SLC23A2: variants seen among roughly 807,000 people sequenced by gnomAD.
SLC23A2 encodes Na(+)/L-ascorbic acid transporter 2.
In SLC23A2, 36 loss-of-function variants were observed where a neutral mutation model predicts 73.3. The ratio of observed to expected loss-of-function variants is 0.49; its 90% CI spans 0.38 to 0.65. SLC23A2 has a LOEUF of 0.65. Ranked by LOEUF, SLC23A2 falls within the 30% of genes least tolerant of loss-of-function variation. SLC23A2 has a pLI of 0.00. For synonymous variants in SLC23A2, 343 were observed against 327.3 expected, an observed-to-expected ratio of 1.05 and a Z score of -0.52; for missense variants, 507 against 841.6, an observed-to-expected ratio of 0.60 and a Z score of 4.92.
chr20:4,966,726 G>C (rs1205355407), intron 2 of SLC23A2, among the ~76,000 whole-genome samples: 2 of 151,548 alleles, frequency 1.3e-5, no homozygotes, highest in Non-Finnish European at 1.5e-5. Flanking sequence ...GGATACCAGG[G>C]AAAGAGAAAA....
At chr20:4,910,379 GAAA>G (rs373996937) in intron 4 of SLC23A2, among the ~76,000 whole-genome samples, 1 of 128,206 alleles carries the variant, frequency 7.8e-6, no homozygotes. Flanking sequence ...TCTGTCTCAA[GAAA>G]AAAAAAAAAA....
At chr20:4,923,863 T>C (rs537409409) in intron 3 of SLC23A2, among the ~76,000 whole-genome samples, 1 of 152,292 alleles carries the variant, frequency 6.6e-6, no homozygotes, top group Non-Finnish European at 1.5e-5. Flanking sequence ...AAAAGGGGCA[T>C]GTTCAAATCT....
intron 2 of SLC23A2, among the ~76,000 whole-genome samples, chr20:4,957,900 CA>C (rs368006652): frequency 0.04 from 3,100 of 77,358 alleles, 48 homozygotes; most frequent in African/African-American, 0.079. Context: ...GACTCCATCT[CA>C]AAAAAAAAAA....
intron 2 of SLC23A2, among the ~76,000 whole-genome samples, chr20:4,956,096 T>A (rs2087284436): frequency 6.6e-6 from 1 of 152,224 alleles, no homozygotes; most frequent in African/African-American, 2.4e-5. Flanking sequence ...AAACTTTTAA[T>A]TCTTCAGAAA....
At chr20:4,870,987 A>C (rs1930426134) in intron 11 of SLC23A2, among the ~76,000 whole-genome samples, 2 of 152,214 alleles carry the variant, frequency 1.3e-5, no homozygotes, top group Admixed American at 6.5e-5. Flanking sequence ...CATTTACTTA[A>C]TCCCTCATTA....
In SLC23A2 at chr20:4,874,600, C is replaced by T; in HGVS notation, c.921G>A (p.Lys307=). ...YKSKKGWTAY[K]LQLFKMFPII... The stretch of plus-strand genomic sequence containing the variant: ...CAGGGAACATTTTGAACAGCTGTAA[C>T]TTGTACGCAGTCCATCCTTTCTTGG... The change falls in exon 10 of 17, where the codon AAG becomes AAA. Residue 307 remains lysine, a synonymous_variant. Coordinates refer to ENST00000338244, the MANE Select transcript of SLC23A2 (RefSeq NM_005116.6). The T allele has an allele frequency of 6.2e-7, 1 of 1,611,454 alleles. No individual in the cohort carries two copies. The highest frequency in any genetic ancestry group is 8.5e-7 in the Non-Finnish European group (1 of 1,179,128).
rs1930079943 is a variant in SLC23A2, at chr20:4,863,739, C to A, written c.1357-832G>T. On this transcript the variant is annotated intron_variant, in intron 13 of 16. Transcript: ENST00000338244. This position sits in a 1 kb window ranked among gnomAD's most constrained non-coding sequence, Gnocchi z 4.8. ...GCTCTTTCCAAGCACACCAGGCAGGCCTGGGCCTGTCTACCTGGACACCCT... is the reference window on the plus strand; with the variant it reads ...GCTCTTTCCAAGCACACCAGGCAGGACTGGGCCTGTCTACCTGGACACCCT... Among the ~76,000 whole-genome samples the A allele has an allele frequency of 6.6e-6, 1 of 152,164 alleles. No individual in the cohort carries two copies. The highest frequency in any genetic ancestry group is 6.5e-5 in the Admixed American group (1 of 15,288).
chr20:4,908,477 ATTAAC>A (rs1184350553), intron 4 of SLC23A2, among the ~76,000 whole-genome samples: 2 of 152,242 alleles, frequency 1.3e-5, no homozygotes, highest in East Asian at 1.9e-4. Flanking sequence ...TTTAAAATTA[ATTAAC>A]TTATTTATTT....
chr20:4,883,612 G>C lies in SLC23A2; in HGVS notation c.824+30C>G. 1 of 1,522,076 alleles carries C rather than the reference G, an allele frequency of 6.6e-7. No homozygotes were observed. Among genetic ancestry groups the C allele is most frequent in the South Asian group, 1.2e-5 (1 of 84,816 alleles). 94.3% of individuals were successfully genotyped at this position (1,522,076 alleles called of 1,614,324 possible). On this transcript the variant is annotated intron_variant, in intron 9 of 16. Transcript: ENST00000338244. This position sits in a 1 kb window ranked among gnomAD's most constrained non-coding sequence, Gnocchi z 4.5. The stretch of plus-strand genomic sequence containing the variant: ...ATGTTCCTAAAGGCTGCCCCGCAGT[G>C]GTGGGATGAGGGGAGATGTTTCCAC...
At chr20:4,965,966 CAAA>C (rs3055921) in intron 2 of SLC23A2, among the ~76,000 whole-genome samples, 3 of 100,052 alleles carry the variant, frequency 3.0e-5, no homozygotes, top group Admixed American at 1.1e-4. Flanking sequence ...GACTCCATCT[CAAA>C]AAAAAAAAAA....
chr20:4,974,170 G>C (rs1188119440), intron 1 of SLC23A2, among the ~76,000 whole-genome samples: 3 of 152,058 alleles, frequency 2.0e-5, no homozygotes, highest in Non-Finnish European at 4.4e-5. Flanking sequence ...ACTTCCTCCT[G>C]ATTTAAAAAG....
In SLC23A2 at chr20:4,946,475, T is replaced by C. The variant is rs146451745; in HGVS notation, c.-154-13759A>G. Among the ~76,000 whole-genome samples, 402 of 152,116 alleles carry C rather than the reference T, an allele frequency of 2.6e-3. 3 individuals are homozygous for C. The highest frequency in any genetic ancestry group is 9.5e-3 in the African/African-American group (394 of 41,508). ...TGAAACATCCATGGGGTGAGTTGGG[T>C]GGGGAGGATCATTCCTAACTGACAG... On this transcript the variant is annotated intron_variant, in intron 2 of 16. Coordinates refer to ENST00000338244, the MANE Select transcript of SLC23A2 (RefSeq NM_005116.6).
chr20:4,913,087 T>C (rs551486589), intron 3 of SLC23A2, 109 bp from the exon 4 acceptor site: 6 of 742,314 alleles, frequency 8.1e-6, no homozygotes, highest in South Asian at 6.1e-5. Context: ...ATGGTTTTGA[T>C]GGAGAAACAT....
chr20:4,887,923 A>G (rs958097161), intron 6 of SLC23A2, among the ~76,000 whole-genome samples: 3 of 152,226 alleles, frequency 2.0e-5, no homozygotes, highest in African/African-American at 7.2e-5. Context: ...GATCACAATT[A>G]ACAAAGCCAA....
intron 2 of SLC23A2, among the ~76,000 whole-genome samples, chr20:4,944,007 C>T (rs546250876): frequency 3.2e-4 from 49 of 152,236 alleles, no homozygotes; most frequent in African/African-American, 8.4e-4. Context: ...GGAAAGGGCT[C>T]CCCAGGGAAA....
Position 4,998,916 on chromosome 20 carries a change from T to C in SLC23A2, c.-282+2490A>G, listed in dbSNP as rs192086392. Among the ~76,000 whole-genome samples the C allele has an allele frequency of 9.6e-4, 146 of 151,842 alleles. No homozygotes were observed. Among genetic ancestry groups the C allele is most frequent in the African/African-American group, 3.3e-3 (136 of 41,452 alleles). ...ACCTCCCAGGTTCAAGCGATTCTCC[T>C]GCCTCAGCCTCCTGAGTAGCCGGAA... is the stretch of plus-strand genomic sequence containing the variant. On this transcript the variant is annotated intron_variant, in intron 1 of 16. Coordinates refer to ENST00000338244, the MANE Select transcript of SLC23A2 (RefSeq NM_005116.6). The surrounding 1 kb of genome is among the most constrained non-coding windows in gnomAD (Gnocchi z 4.1).
At chr20:4,885,532 T>C (rs1015559343) in intron 7 of SLC23A2, among the ~76,000 whole-genome samples, 5 of 152,114 alleles carry the variant, frequency 3.3e-5, no homozygotes, top group African/African-American at 9.7e-5. Context: ...GGCAGAAAAA[T>C]AGCACAAATA....
chr20:4,955,749 G>A (rs370692684), intron 2 of SLC23A2, among the ~76,000 whole-genome samples: 11 of 151,746 alleles, frequency 7.2e-5, no homozygotes, highest in African/African-American at 2.2e-4. Context: ...AGATGGGGCC[G>A]CTGTACTCCA....
At position 4,859,395 on chromosome 20, in the gene SLC23A2, AAC is replaced by A; in HGVS notation, c.1625-13_1625-12del. 6.3e-7 allele frequency: 1 copy of A among 1,578,098 alleles called. No homozygotes were observed. Among genetic ancestry groups the A allele is most frequent in the East Asian group, 2.2e-5 (1 of 44,720 alleles). ...CGATTCCTGTTATCCCTAGAAAGAG[AAC>A]ACAGCCATAAACGATCAGTGCCACA... On this transcript the variant is annotated splice_polypyrimidine_tract_variant and intron_variant, in intron 15 of 16. Coordinates refer to ENST00000338244, the MANE Select transcript of SLC23A2 (RefSeq NM_005116.6).
Sources: allele counts gnomAD v4.1 joint callset (sites outside exome capture counted in the v4.1 genomes callset), GRCh38; gene constraint gnomAD v4.1.1; non-coding constraint Gnocchi (gnomAD v3.1); transcripts MANE v1.5; gene names NCBI Gene and HGNC (gene_info 2026-07-23, HGNC 2026-07-21).